Variants in SMIM9 observed in about 807,000 individuals in gnomAD.
SMIM9 encodes the protein small integral membrane protein 9.
Under a neutral mutation model 7.2 loss-of-function variants are expected in SMIM9, and 8 were observed. That is an observed-to-expected ratio of 1.10 (90% CI 0.65 to 1.99). The LOEUF is 1.99. Among genes scored for constraint, SMIM9 ranks in the 30% most tolerant of loss-of-function variants. The probability of loss-of-function intolerance (pLI) is 0.00; values close to 1 mark genes in which losing one functional copy is unlikely to be tolerated. For synonymous variants in SMIM9, 19 were observed against 26.4 expected, an observed-to-expected ratio of 0.72 and a Z score of 0.86; for missense variants, 76 against 69.3, an observed-to-expected ratio of 1.10 and a Z score of -0.34.
chrX:154,833,914 A>G (rs1557270739), intron 1 of SMIM9, among the ~76,000 whole-genome samples: 1 of 112,375 alleles, frequency 8.9e-6, no homozygotes, highest in African/African-American at 3.2e-5. Context: ...AGAGTCCTCC[A>G]GTCTCCCCCA....
At chrX:154,830,235 G>A (rs868988689) in intron 3 of SMIM9, among the ~76,000 whole-genome samples, 3 of 111,936 alleles carry the variant, frequency 2.7e-5, no homozygotes, top group African/African-American at 9.8e-5. Context: ...AGGGGAAAAC[G>A]AAAGTGTCTG....
At chrX:154,827,633 A>G (rs1284582156) in intron 4 of SMIM9, among the ~76,000 whole-genome samples, 2 of 112,541 alleles carry the variant, frequency 1.8e-5, no homozygotes, top group African/African-American at 6.5e-5. Flanking sequence ...ACTGGAAGGA[A>G]GGTTAAGAAT....
intron 3 of SMIM9, among the ~76,000 whole-genome samples, chrX:154,830,228 G>A (rs2072438774): frequency 9.0e-6 from 1 of 111,544 alleles, no homozygotes; most frequent in Non-Finnish European, 1.9e-5. Context: ...AAGAAGGAGG[G>A]GAAAACGAAA....
rs900814514 is a variant in SMIM9, at chrX:154,834,026, C to T, written c.-210+537G>A. Among the ~76,000 whole-genome samples the T allele has an allele frequency of 8.0e-5, 9 of 111,846 alleles. No homozygotes were observed. In the East Asian group the frequency reaches 1.1e-3, roughly 14 times the overall value. On this transcript the variant is annotated intron_variant, in intron 1 of 4. Coordinates refer to ENST00000369529, the MANE Select transcript of SMIM9 (RefSeq NM_001162936.4). Reference sequence around the variant, plus strand: ...AATTAGGACCTTGAACATTCCCAGGCGCTGATAAAGGTGTATCTAGGTTGT... The same window carrying T: ...AATTAGGACCTTGAACATTCCCAGGTGCTGATAAAGGTGTATCTAGGTTGT...
At chrX:154,828,940 G>A (rs374337160) in intron 4 of SMIM9, among the ~76,000 whole-genome samples, 1 of 111,319 alleles carries the variant, frequency 9.0e-6, no homozygotes, top group Non-Finnish European at 1.9e-5. Flanking sequence ...CACCTTTGTT[G>A]ATCACTTTCA....
At chrX:154,824,412 TAGAC>T (rs1469480673) in intron 4 of SMIM9, among the ~76,000 whole-genome samples, 4 of 106,752 alleles carry the variant, frequency 3.7e-5, no homozygotes, top group East Asian at 2.9e-4. Flanking sequence ...AAAGTGCAAT[TAGAC>T]AGGAAAAACA....
chrX:154,830,631 G>A, intron 3 of SMIM9, 84 bp downstream of exon 3: 1 of 1,061,025 alleles, frequency 9.4e-7, no homozygotes, highest in Non-Finnish European at 1.3e-6. Flanking sequence ...TTTTAAACAT[G>A]AAATTCATTT....
At position 154,823,628 on chromosome X, in the gene SMIM9, T is replaced by C; in HGVS notation, c.*127A>G. On this transcript the variant is annotated 3_prime_UTR_variant, in exon 5 of 5. Transcript: ENST00000369529. The stretch of plus-strand genomic sequence containing the variant: ...AGGAGAAAATGAAGGCAAAGGATGA[T>C]TCAAGTTGGAAGACGATTTAATTTC... 3 of 585,713 alleles carry C rather than the reference T, an allele frequency of 5.1e-6. No homozygotes were observed. The highest frequency in any genetic ancestry group is 7.5e-6 in the Non-Finnish European group (3 of 402,392). 48.3% of individuals were successfully genotyped at this position (585,713 alleles called of 1,213,427 possible). A position where few individuals can be genotyped will look rare whatever the true frequency, so the allele number is the denominator to read the frequency against.
At chrX:154,833,327 A>C (rs367682842) in intron 1 of SMIM9, among the ~76,000 whole-genome samples, 13 of 112,869 alleles carry the variant, frequency 1.2e-4, no homozygotes, top group Non-Finnish European at 1.9e-4. Context: ...CAAACTAATT[A>C]AAAAGAAATA....
At chrX:154,829,487 T>G in intron 4 of SMIM9, 48 bp downstream of exon 4, 1 of 1,154,552 alleles carries the variant, frequency 8.7e-7, no homozygotes. Context: ...CCCACCCCCC[T>G]TCACATTCCC....
intron 1 of SMIM9, among the ~76,000 whole-genome samples, chrX:154,833,090 A>G (rs782271450): frequency 6.3e-5 from 7 of 111,746 alleles, no homozygotes; most frequent in Non-Finnish European, 9.4e-5. Context: ...AGAAAATTCT[A>G]TGTGTGGATA....
At chrX:154,830,663 T>G in intron 3 of SMIM9, 52 bp downstream of exon 3, 1 of 1,136,113 alleles carries the variant, frequency 8.8e-7, no homozygotes, top group Non-Finnish European at 1.2e-6. Context: ...AACTGAAACA[T>G]GAATCTTAAG....
chrX:154,834,320 C>A (rs1333675427), intron 1 of SMIM9, among the ~76,000 whole-genome samples: 1 of 112,333 alleles, frequency 8.9e-6, no homozygotes, highest in African/African-American at 3.2e-5. Context: ...AAACACACAA[C>A]TTTTCTAGGA....
intron 4 of SMIM9, among the ~76,000 whole-genome samples, chrX:154,824,555 T>A (rs1395692723): frequency 9.0e-6 from 1 of 111,234 alleles, no homozygotes. Context: ...AATAAGAAAT[T>A]AGACTAAACT....
intron 2 of SMIM9, among the ~76,000 whole-genome samples, chrX:154,831,929 C>T (rs1013498895): frequency 9.0e-6 from 1 of 110,642 alleles, no homozygotes; most frequent in African/African-American, 3.3e-5. Context: ...AATTGTCTTA[C>T]CTGCTTGATT....
chrX:154,825,213 C>A (rs1397322797), intron 4 of SMIM9, among the ~76,000 whole-genome samples: 7 of 110,937 alleles, frequency 6.3e-5, no homozygotes, highest in African/African-American at 2.3e-4. Context: ...CATGGTGAAA[C>A]CCCGTCTCTA....
Position 154,823,572 on chromosome X carries a change from G to C in SMIM9, c.*183C>G. On this transcript the variant is annotated 3_prime_UTR_variant, in exon 5 of 5. Coordinates refer to ENST00000369529, the MANE Select transcript of SMIM9 (RefSeq NM_001162936.4). ...CTATTATAACCAAAACAGTAATAAGGATATTCACATTTTAAAATTGCAACT... is the reference window on the plus strand; with the variant it reads ...CTATTATAACCAAAACAGTAATAAGCATATTCACATTTTAAAATTGCAACT... 2.6e-6 allele frequency: 1 copy of C among 378,933 alleles called. No homozygotes were observed. Among genetic ancestry groups the C allele is most frequent in the Middle Eastern group, 3.9e-4 (1 of 2,566 alleles). 31.2% of individuals were successfully genotyped at this position (378,933 alleles called of 1,213,427 possible).
chrX:154,825,058 A>C (rs782613572), intron 4 of SMIM9, among the ~76,000 whole-genome samples: 3 of 112,325 alleles, frequency 2.7e-5, no homozygotes, highest in South Asian at 3.7e-4. Flanking sequence ...CTTTATGACC[A>C]CAGACTCCAG....
rs1427588228 is a variant in SMIM9 at position 154,830,930 on chromosome X, C to T, written c.-74G>A. The T allele has an allele frequency of 6.7e-6, 7 of 1,039,084 alleles. No individual in the cohort carries two copies. The highest frequency in any genetic ancestry group is 2.8e-4 in the Middle Eastern group (1 of 3,532). 85.6% of individuals were successfully genotyped at this position (1,039,084 alleles called of 1,213,427 possible). On this transcript the variant is annotated 5_prime_UTR_variant, in exon 3 of 5. Transcript: ENST00000369529. ...TCTGCCAAGGAGAGATGTCTTTGTC[C>T]GTAGGTCTTTCCACAGAAACTTTGT... is the stretch of plus-strand genomic sequence containing the variant.
Sources: allele counts gnomAD v4.1 joint callset (sites outside exome capture counted in the v4.1 genomes callset), GRCh38; gene constraint gnomAD v4.1.1; transcripts MANE v1.5; gene names NCBI Gene and HGNC (gene_info 2026-07-23, HGNC 2026-07-21).